The following PDGFRL variants were observed in gnomAD, a reference collection of about 807,000 sequenced individuals.
PDGFRL encodes platelet-derived growth factor receptor-like protein.
PDGFRL carries 46 observed loss-of-function variants against 37.2 expected under a neutral mutation model. That is an observed-to-expected ratio of 1.24 (90% CI 0.98 to 1.58). The LOEUF is 1.58. PDGFRL is among the 40% of genes most tolerant of loss of function. The pLI is 0.00. For missense variants in PDGFRL, 692 were observed against 467.6 expected, an observed-to-expected ratio of 1.48 and a Z score of -4.43; for synonymous variants, 251 against 184.3, an observed-to-expected ratio of 1.36 and a Z score of -2.93.
intron 2 of PDGFRL, among the ~76,000 whole-genome samples, chr8:17,618,294 G>A (rs1343261183): frequency 2.6e-5 from 4 of 152,222 alleles, no homozygotes; most frequent in African/African-American, 4.8e-5. Context: ...GAGCTCAAGC[G>A]ATCCTCCTGC....
intron 1 of PDGFRL, among the ~76,000 whole-genome samples, chr8:17,588,756 T>G (rs1803870822): frequency 6.6e-6 from 1 of 152,186 alleles, no homozygotes; most frequent in Non-Finnish European, 1.5e-5. Flanking sequence ...TTTCTGTGTT[T>G]AAACAGTAGA....
upstream of PDGFRL, chr8:17,577,048 C>T (rs1803597469): frequency 1.5e-6 from 1 of 667,244 alleles, no homozygotes; most frequent in African/African-American, 2.1e-5. Flanking sequence ...GCGGCTCCGC[C>T]AGGGGGCAGG....
intron 2 of PDGFRL, among the ~76,000 whole-genome samples, chr8:17,606,613 G>A (rs1261166672): frequency 6.6e-6 from 1 of 152,178 alleles, no homozygotes; most frequent in Non-Finnish European, 1.5e-5. Context: ...GGTGGGTGGA[G>A]GCTGCAGGAT....
chr8:17,577,712 T>C (rs1276787208), intron 1 of PDGFRL, among the ~76,000 whole-genome samples: 2 of 151,454 alleles, frequency 1.3e-5, no homozygotes, highest in East Asian at 4.0e-4. Flanking sequence ...TGAGAGCGAG[T>C]GCCACCTAAG....
intron 5 of PDGFRL, among the ~76,000 whole-genome samples, chr8:17,641,340 C>T (rs901057550): frequency 6.6e-6 from 1 of 152,234 alleles, no homozygotes; most frequent in African/African-American, 2.4e-5. Context: ...TTACAAAGTT[C>T]AGCTAGAAGT....
chr8:17,589,872 C>T, intron 2 of PDGFRL, 107 bp downstream of exon 2: 1 of 677,050 alleles, frequency 1.5e-6, no homozygotes, highest in Admixed American at 3.0e-5. Context: ...CCATTTTACC[C>T]TAATAGATCA....
At chr8:17,624,526 C>T (rs1804695044) in intron 3 of PDGFRL, among the ~76,000 whole-genome samples, 1 of 152,164 alleles carries the variant, frequency 6.6e-6, no homozygotes, top group African/African-American at 2.4e-5. Flanking sequence ...CCACCCAGAT[C>T]AAGGATGAGA....
chr8:17,579,187 C>A (rs1325474469), intron 1 of PDGFRL, among the ~76,000 whole-genome samples: 2 of 152,144 alleles, frequency 1.3e-5, no homozygotes, highest in Non-Finnish European at 2.9e-5. Context: ...CAAAGTGAGA[C>A]TCCATCTCAA....
At chr8:17,581,048 C>G (rs1311674421) in intron 1 of PDGFRL, among the ~76,000 whole-genome samples, 3 of 152,038 alleles carry the variant, frequency 2.0e-5, no homozygotes, top group African/African-American at 7.3e-5. Flanking sequence ...ATTACATTTG[C>G]AAAGACTCCA....
At chr8:17,629,112 TAGAG>T (rs774640493) in intron 4 of PDGFRL, among the ~76,000 whole-genome samples, 13 of 141,314 alleles carry the variant, frequency 9.2e-5, no homozygotes, top group Non-Finnish European at 1.8e-4. Flanking sequence ...TTTTGTCTCA[TAGAG>T]AAGAGGTCTC....
chr8:17,586,326 C>G (rs1803815959), intron 1 of PDGFRL, among the ~76,000 whole-genome samples: 1 of 152,182 alleles, frequency 6.6e-6, no homozygotes, highest in Non-Finnish European at 1.5e-5. Flanking sequence ...ACCTCCAGCT[C>G]TTCCAGGAAG....
At chr8:17,601,144 C>G (rs576763116) in intron 2 of PDGFRL, among the ~76,000 whole-genome samples, 35 of 152,204 alleles carry the variant, frequency 2.3e-4, no homozygotes, top group Non-Finnish European at 3.5e-4. Flanking sequence ...CGCATCCAAC[C>G]AATGATGCTA....
chr8:17,615,767 A>C (rs1804510676), intron 2 of PDGFRL, among the ~76,000 whole-genome samples: 1 of 152,142 alleles, frequency 6.6e-6, no homozygotes, highest in African/African-American at 2.4e-5. Flanking sequence ...AATGTAAAAA[A>C]ATTAGCCGGA....
At chr8:17,631,453 T>C (rs1804859532) in intron 4 of PDGFRL, among the ~76,000 whole-genome samples, 1 of 152,088 alleles carries the variant, frequency 6.6e-6, no homozygotes, top group African/African-American at 2.4e-5. Context: ...TTCTCAGCCA[T>C]GGTGCTTATT....
intron 2 of PDGFRL, among the ~76,000 whole-genome samples, chr8:17,596,851 T>G (rs1053759847): frequency 6.6e-6 from 1 of 152,190 alleles, no homozygotes; most frequent in Non-Finnish European, 1.5e-5. Flanking sequence ...ACACCAGAGA[T>G]TCAAGAAACG....
chr8:17,636,517 T>C (rs1392200405), intron 5 of PDGFRL, among the ~76,000 whole-genome samples: 1 of 152,116 alleles, frequency 6.6e-6, no homozygotes, highest in Non-Finnish European at 1.5e-5. Context: ...ACTATGGCCT[T>C]ATAGTATAGT....
At chr8:17,606,794 G>A (rs566522700) in intron 2 of PDGFRL, among the ~76,000 whole-genome samples, 15 of 152,104 alleles carry the variant, frequency 9.9e-5, no homozygotes, top group African/African-American at 3.6e-4. Context: ...GGCACACATA[G>A]TAAGCCACCT....
intron 2 of PDGFRL, among the ~76,000 whole-genome samples, chr8:17,617,229 T>A (rs955756228): frequency 1.3e-5 from 2 of 152,182 alleles, no homozygotes; most frequent in Admixed American, 6.5e-5. Context: ...ACTCCTAGTT[T>A]AGAAAGAAAA....
At position 17,589,453 on chromosome 8, in the gene PDGFRL, C is replaced by G. The variant is rs1412265177; in HGVS notation, c.56-15C>G. On this transcript the variant is annotated splice_polypyrimidine_tract_variant and intron_variant, in intron 1 of 5. Coordinates refer to ENST00000251630, the MANE Select transcript of PDGFRL (RefSeq NM_001372073.1). ...TCATTACTACAGCGCATTTCTCTCT[C>G]CTTACGTTTTGCAGTTACTGGCCAA... is the stretch of plus-strand genomic sequence containing the variant. The G allele has an allele frequency of 3.1e-6, 5 of 1,599,930 alleles. No individual in the cohort carries two copies. The Admixed American group carries it at 5.1e-5, about 16-fold the overall frequency.
Sources: gnomAD v4.1 joint callset for allele counts (sites outside exome capture counted in the v4.1 genomes callset) on GRCh38, gnomAD v4.1.1 for gene constraint, MANE v1.5 for transcripts, NCBI Gene and HGNC (gene_info 2026-07-23, HGNC 2026-07-21) for gene names.